PCCA: variants seen among roughly 807,000 people sequenced by gnomAD.
The protein encoded by PCCA is propionyl-CoA carboxylase alpha chain, mitochondrial.
In PCCA, 74 loss-of-function variants were observed where a neutral mutation model predicts 101.3. That is an observed-to-expected ratio of 0.73 (90% CI 0.61 to 0.89). The LOEUF (loss-of-function observed/expected upper bound fraction) is 0.89, where lower values mean the gene tolerates loss of function less well. Ranked by LOEUF, PCCA falls within the 40% of genes least tolerant of loss-of-function variation. PCCA has a pLI of 0.00. For synonymous variants in PCCA, 294 were observed against 313.6 expected (o/e 0.94, Z 0.66); for missense variants, 891 against 907.0 (o/e 0.98, Z 0.23).
chr13:100,442,923 T>A (rs1235263519), intron 20 of PCCA, among the ~76,000 whole-genome samples: 1 of 151,958 alleles, frequency 6.6e-6, no homozygotes, highest in Non-Finnish European at 1.5e-5. Flanking sequence ...TTGTTTTGTG[T>A]GAAGGCCAGT....
chr13:100,409,550 T>C (rs1442453230), intron 19 of PCCA, among the ~76,000 whole-genome samples: 1 of 152,122 alleles, frequency 6.6e-6, no homozygotes, highest in Non-Finnish European at 1.5e-5. Context: ...ACGGTGCAGA[T>C]GGTGAGGACT....
intron 19 of PCCA, among the ~76,000 whole-genome samples, chr13:100,372,112 A>C (rs1298878011): frequency 6.6e-6 from 1 of 152,192 alleles, no homozygotes; most frequent in Non-Finnish European, 1.5e-5. Context: ...TGGGAGGCCA[A>C]GGCAGGTGGA....
At chr13:100,217,936 C>T (rs544667991) in intron 7 of PCCA, among the ~76,000 whole-genome samples, 198 of 148,028 alleles carry the variant, frequency 1.3e-3, no homozygotes, top group Middle Eastern at 6.8e-3. Flanking sequence ...ATAAGCTGGG[C>T]GTGGTGGCAG....
intron 8 of PCCA, among the ~76,000 whole-genome samples, chr13:100,256,596 A>G (rs1403378398): frequency 1.3e-5 from 2 of 152,232 alleles, no homozygotes; most frequent in Non-Finnish European, 2.9e-5. Context: ...TTGAAGTTAA[A>G]GAGTGATGTT....
chr13:100,382,564 C>CT (rs919014405), intron 19 of PCCA, among the ~76,000 whole-genome samples: 2 of 152,134 alleles, frequency 1.3e-5, no homozygotes, highest in African/African-American at 2.4e-5. Context: ...CCTCCTGTCT[C>CT]TATCATTGTA....
intron 20 of PCCA, among the ~76,000 whole-genome samples, chr13:100,443,711 T>C (rs2080551628): frequency 6.6e-6 from 1 of 151,958 alleles, no homozygotes; most frequent in Non-Finnish European, 1.5e-5. Context: ...GAGTTGCAGG[T>C]AGCCAAATTA....
chr13:100,127,058 C>T (rs1176175640), intron 4 of PCCA, among the ~76,000 whole-genome samples: 1 of 152,192 alleles, frequency 6.6e-6, no homozygotes, highest in Non-Finnish European at 1.5e-5. Context: ...TCTTAAAGGA[C>T]TGATAGCTTA....
At chr13:100,098,992 C>T (rs566469891) in intron 1 of PCCA, among the ~76,000 whole-genome samples, 1 of 152,272 alleles carries the variant, frequency 6.6e-6, no homozygotes, top group South Asian at 2.1e-4. Flanking sequence ...ATAAGACCTT[C>T]ACCTGGAATT....
At chr13:100,151,132 A>G in intron 4 of PCCA, 1 of 1,046,726 alleles carries the variant, frequency 9.6e-7, no homozygotes, top group Non-Finnish European at 1.4e-6. Flanking sequence ...GACGGAAGAA[A>G]AGAAGTTTAA....
chr13:100,493,322 C>A (rs1204224645), intron 21 of PCCA, among the ~76,000 whole-genome samples: 1 of 152,224 alleles, frequency 6.6e-6, no homozygotes, highest in African/African-American at 2.4e-5. Flanking sequence ...CATTCTCAGA[C>A]CTTCAAAGGC....
intron 12 of PCCA, among the ~76,000 whole-genome samples, chr13:100,292,786 T>C (rs1267480581): frequency 6.6e-6 from 1 of 152,194 alleles, no homozygotes; most frequent in Non-Finnish European, 1.5e-5. Context: ...CTTTCTGTTA[T>C]AAGGGTGTTT....
chr13:100,480,265 A>G (rs2083784544), intron 21 of PCCA: 1 of 152,140 alleles, frequency 6.6e-6, no homozygotes, highest in South Asian at 2.1e-4. Context: ...ACTCACCCAC[A>G]TTTATTGAGT....
At chr13:100,228,855 G>A (rs1383244348) in intron 7 of PCCA, among the ~76,000 whole-genome samples, 25 of 144,934 alleles carry the variant, frequency 1.7e-4, no homozygotes, top group Non-Finnish European at 3.3e-4. Context: ...AGCGGGGATC[G>A]CTCCATTGCA....
intron 19 of PCCA, among the ~76,000 whole-genome samples, chr13:100,377,748 C>T (rs1361951324): frequency 6.6e-6 from 1 of 152,154 alleles, no homozygotes; most frequent in Non-Finnish European, 1.5e-5. Flanking sequence ...CCCGCCTCAG[C>T]CTCCCAAAGT....
intron 21 of PCCA, among the ~76,000 whole-genome samples, chr13:100,470,083 C>T (rs935243302): frequency 6.6e-6 from 1 of 152,130 alleles, no homozygotes; most frequent in Non-Finnish European, 1.5e-5. Context: ...GTTCTTGCGT[C>T]GTTTCCACCT....
intron 22 of PCCA, among the ~76,000 whole-genome samples, chr13:100,520,692 T>G (rs1460313043): frequency 6.6e-6 from 1 of 150,600 alleles, no homozygotes; most frequent in Admixed American, 6.6e-5. Context: ...AAATATCTAT[T>G]AGTAGATAAG....
At chr13:100,337,372 C>A (rs572722158) in intron 17 of PCCA, among the ~76,000 whole-genome samples, 1 of 152,298 alleles carries the variant, frequency 6.6e-6, no homozygotes, top group African/African-American at 2.4e-5. Context: ...CCCCAGAGGG[C>A]AAACAGTGGA....
intron 4 of PCCA, among the ~76,000 whole-genome samples, chr13:100,121,252 G>A (rs1313405366): frequency 1.3e-5 from 2 of 150,120 alleles, no homozygotes; most frequent in East Asian, 3.9e-4. Flanking sequence ...CACCTCCCGG[G>A]GGTCAAGTGA....
intron 21 of PCCA, among the ~76,000 whole-genome samples, chr13:100,502,534 A>C (rs1354914202): frequency 6.6e-6 from 1 of 152,230 alleles, no homozygotes; most frequent in African/African-American, 2.4e-5. Flanking sequence ...TAAGAGGGTT[A>C]GGTAGGCCTT....
Sources: allele counts gnomAD v4.1 joint callset (sites outside exome capture counted in the v4.1 genomes callset), GRCh38; gene constraint gnomAD v4.1.1; transcripts MANE v1.5; gene names NCBI Gene and HGNC (gene_info 2026-07-23, HGNC 2026-07-21).